MINDY2: variants seen among roughly 807,000 people sequenced by gnomAD.
The protein encoded by MINDY2 is MINDY lysine 48 deubiquitinase 2.
A neutral mutation model predicts 68.2 loss-of-function variants in MINDY2; 52 were observed. That is an observed-to-expected ratio of 0.76 (90% CI 0.61 to 0.96). The LOEUF (loss-of-function observed/expected upper bound fraction) is 0.96, where lower values mean the gene tolerates loss of function less well. Among genes scored for constraint, MINDY2 ranks in the 40% least tolerant of loss-of-function variants. The pLI is 0.00. For synonymous variants in MINDY2, 372 were observed against 303.0 expected (o/e 1.23, Z -2.36); for missense variants, 881 against 773.4 (o/e 1.14, Z -1.65).
chr15:58,815,161 G>A (rs1274147282), intron 4 of MINDY2: 4 of 152,094 alleles, frequency 2.6e-5, no homozygotes, highest in Non-Finnish European at 4.4e-5. Flanking sequence ...TCATATACAT[G>A]TAGATAGCCA....
At chr15:58,831,041 G>GTGTATATATATATATATATATA (rs565786025) in intron 5 of MINDY2, among the ~76,000 whole-genome samples, 13 of 124,922 alleles carry the variant, frequency 1.0e-4, no homozygotes, top group East Asian at 5.2e-4. Flanking sequence ...GTGTGTGTGT[G>GTGTATATATATATATATATATA]TATATATATA....
chr15:58,835,683 A>C (rs943688869), intron 6 of MINDY2, among the ~76,000 whole-genome samples: 1 of 152,192 alleles, frequency 6.6e-6, no homozygotes, highest in Non-Finnish European at 1.5e-5. Flanking sequence ...AAATAAAAAT[A>C]AAATGATACC....
At chr15:58,847,210 A>G (rs1212103754) in intron 6 of MINDY2, 87 bp from the exon 7 acceptor site, 4 of 1,018,446 alleles carry the variant, frequency 3.9e-6, no homozygotes, top group Non-Finnish European at 5.6e-6. Flanking sequence ...TATTCTGAAG[A>G]TACAGATTGT....
chr15:58,838,261 G>A (rs930167710), intron 6 of MINDY2, among the ~76,000 whole-genome samples: 56 of 152,080 alleles, frequency 3.7e-4, no homozygotes, highest in African/African-American at 1.2e-3. Context: ...AGCTGGGCAT[G>A]GTGGTGTGTG....
chr15:58,778,676 GA>G (rs1900930519), intron 1 of MINDY2, among the ~76,000 whole-genome samples: 1 of 151,804 alleles, frequency 6.6e-6, no homozygotes, highest in Non-Finnish European at 1.5e-5. Context: ...ACCCAGGCTG[GA>G]GTGTGGTGGT....
chr15:58,821,768 GAGA>G lies in MINDY2; in HGVS notation c.1178_1180del (p.Lys393del). 1 of 1,590,926 alleles carries G rather than the reference GAGA, an allele frequency of 6.3e-7. No homozygotes were observed. The highest frequency in any genetic ancestry group is 8.5e-7 in the Non-Finnish European group (1 of 1,171,916). On this transcript the variant is annotated inframe_deletion, in exon 5 of 9. Coordinates refer to ENST00000559228, the MANE Select transcript of MINDY2 (RefSeq NM_001040450.3). ...TAACTGCAGCTACAACCAACTAGTG[GAGA>G]AGATCATCTCTTGTAAACAGTCAGA...
In MINDY2 at chr15:58,774,186, GA is replaced by G. The variant is rs1378849256; in HGVS notation, c.840+1954del. Among the ~76,000 whole-genome samples, 5 of 152,148 alleles carry G rather than the reference GA, an allele frequency of 3.3e-5. No homozygotes were observed. In the East Asian group the frequency reaches 5.8e-4, roughly 18 times the overall value. ...GGTTCCCACTGTGCGTGAGGTACTA[GA>G]AATGCAAAGATGAGGCCGGGCGCGG... On this transcript the variant is annotated intron_variant, in intron 1 of 8. Coordinates refer to ENST00000559228, the MANE Select transcript of MINDY2 (RefSeq NM_001040450.3).
At chr15:58,835,465 CA>C (rs1243986141) in intron 6 of MINDY2, among the ~76,000 whole-genome samples, 1 of 151,972 alleles carries the variant, frequency 6.6e-6, no homozygotes, top group Non-Finnish European at 1.5e-5. Flanking sequence ...CCAGCCTGGC[CA>C]ACATGGTGAA....
rs188307979 is a variant in MINDY2, at chr15:58,813,734, C to T, written c.1122+3346C>T. On this transcript the variant is annotated intron_variant, in intron 4 of 8. Coordinates refer to ENST00000559228, the MANE Select transcript of MINDY2 (RefSeq NM_001040450.3). ...ACTACAGGCATGCACCATTATGCCC[C>T]GTTAACTTGTGTATTTTTTTTTTTA... Among the ~76,000 whole-genome samples the T allele has an allele frequency of 1.5e-3, 224 of 147,200 alleles. 1 individual carries two copies. The highest frequency in any genetic ancestry group is 5.0e-3 in the African/African-American group (201 of 39,876).
At chr15:58,809,073 A>C (rs150914375) in intron 3 of MINDY2, among the ~76,000 whole-genome samples, 2 of 152,188 alleles carry the variant, frequency 1.3e-5, no homozygotes, top group East Asian at 3.9e-4. Flanking sequence ...TTAGCTGGGC[A>C]TGTTAGCATA....
At chr15:58,791,706 TATATA>T (rs1339470710) in intron 2 of MINDY2, among the ~76,000 whole-genome samples, 2 of 151,666 alleles carry the variant, frequency 1.3e-5, no homozygotes, top group African/African-American at 2.4e-5. Flanking sequence ...TTTTTAATTT[TATATA>T]ATATAAATTA....
At chr15:58,842,068 T>C (rs2032314519) in intron 6 of MINDY2, among the ~76,000 whole-genome samples, 1 of 152,032 alleles carries the variant, frequency 6.6e-6, no homozygotes, top group Admixed American at 6.6e-5. Flanking sequence ...CTAGATCACA[T>C]AGCTTCTAGA....
chr15:58,795,134 C>T (rs1487134821), intron 2 of MINDY2, among the ~76,000 whole-genome samples: 2 of 151,786 alleles, frequency 1.3e-5, no homozygotes, highest in Non-Finnish European at 2.9e-5. Context: ...CGAGATCGCG[C>T]TACTGCACTC....
intron 6 of MINDY2, among the ~76,000 whole-genome samples, chr15:58,834,698 A>G (rs12914164): frequency 0.25 from 38,715 of 152,136 alleles, 5,406 homozygotes; most frequent in East Asian, 0.62. Flanking sequence ...CCATGTAAAT[A>G]TGTCATTTTT....
At chr15:58,829,112 CACTT>C (rs1436800192) in intron 5 of MINDY2, among the ~76,000 whole-genome samples, 1 of 152,086 alleles carries the variant, frequency 6.6e-6, no homozygotes, top group Non-Finnish European at 1.5e-5. Flanking sequence ...TGCTGTGTAA[CACTT>C]ACAGTTGTTT....
chr15:58,772,373 A>G, intron 1 of MINDY2, 138 bp downstream of exon 1: 1 of 1,332,296 alleles, frequency 7.5e-7, no homozygotes. Flanking sequence ...TCATTCCAAG[A>G]CTTCCATGTT....
intron 2 of MINDY2, among the ~76,000 whole-genome samples, chr15:58,789,913 C>G (rs560130667): frequency 1.3e-5 from 2 of 152,244 alleles, no homozygotes; most frequent in African/African-American, 4.8e-5. Flanking sequence ...TCCCAAAGTG[C>G]TGGGATTGCA....
chr15:58,774,034 T>C (rs1217682256), intron 1 of MINDY2, among the ~76,000 whole-genome samples: 1 of 152,242 alleles, frequency 6.6e-6, no homozygotes, highest in African/African-American at 2.4e-5. Context: ...TTAGTCTTTT[T>C]TCTTATGTAG....
intron 6 of MINDY2, among the ~76,000 whole-genome samples, chr15:58,838,598 T>TTTTTC (rs2032118699): frequency 7.1e-6 from 1 of 141,416 alleles, no homozygotes; most frequent in African/African-American, 2.7e-5. Flanking sequence ...TTTTTTTTTT[T>TTTTTC]TTTTTTGAGA....
Sources: allele counts gnomAD v4.1 joint callset (sites outside exome capture counted in the v4.1 genomes callset), GRCh38; gene constraint gnomAD v4.1.1; transcripts MANE v1.5; gene names NCBI Gene and HGNC (gene_info 2026-07-23, HGNC 2026-07-21).